EHMT1: variants seen among roughly 807,000 people sequenced by gnomAD.
The protein encoded by EHMT1 is euchromatic histone lysine methyltransferase 1.
Under a neutral mutation model 147.2 loss-of-function variants are expected in EHMT1, and 15 were observed. The ratio of observed to expected loss-of-function variants is 0.10; its 90% CI spans 0.07 to 0.16. The LOEUF is 0.16. EHMT1 is among the 10% of genes least tolerant of loss of function. The pLI is 1.00. For synonymous variants in EHMT1, 795 were observed against 709.6 expected (o/e 1.12, Z -1.91); for missense variants, 1,587 against 1,772.4 (o/e 0.90, Z 1.88).
chr9:137,619,802 G>A (rs984921165), intron 1 of EHMT1, among the ~76,000 whole-genome samples: 1 of 152,104 alleles, frequency 6.6e-6, no homozygotes, highest in Non-Finnish European at 1.5e-5. Flanking sequence ...AGGAAGCAGC[G>A]TAGAGATTAA....
chr9:137,811,732 T>C (rs904535979), intron 19 of EHMT1, 117 bp downstream of exon 19: 2 of 1,378,376 alleles, frequency 1.5e-6, no homozygotes, highest in Admixed American at 3.8e-5. Flanking sequence ...GGCCCTCTGT[T>C]CCTTCGTGTG....
At position 137,776,395 on chromosome 9, in the gene EHMT1, C is replaced by T. The variant is rs1950959576; in HGVS notation, c.1792-223C>T. On this transcript the variant is annotated intron_variant, in intron 11 of 26. Coordinates refer to ENST00000460843, the MANE Select transcript of EHMT1 (RefSeq NM_024757.5). This position sits in a 1 kb window ranked among gnomAD's most constrained non-coding sequence, Gnocchi z 4.4. ...GGTGGGTTGGAGGCAGCCAAGTGAC[C>T]TCTGTCTGGCTTCAGCTTCTTCTCT... is the stretch of plus-strand genomic sequence containing the variant. The T allele has an allele frequency of 2.0e-6, 1 of 498,476 alleles. No homozygotes were observed. The highest frequency in any genetic ancestry group is 2.1e-5 in the South Asian group (1 of 48,726). The allele number at this position is 498,476 out of a possible 1,614,324, so 30.9% of individuals were successfully genotyped here.
chr9:137,802,731 C>T lies in EHMT1; in HGVS notation c.2712+1747C>T, dbSNP rs533658119. 260 of 1,048,082 alleles carry T rather than the reference C, an allele frequency of 2.5e-4. 2 individuals carry two copies. The South Asian group carries it at 5.4e-3, about 22-fold the overall frequency. 64.9% of individuals were successfully genotyped at this position (1,048,082 alleles called of 1,614,324 possible). On this transcript the variant is annotated intron_variant, in intron 18 of 26. Transcript: ENST00000460843. ...GGCACCCGCTGCCTCCCTGCAGGCA[C>T]GCAGGCCTCTCTGGAGTGACTGGTC...
chr9:137,685,355 A>G (rs1273548088), intron 1 of EHMT1: 2 of 152,000 alleles, frequency 1.3e-5, no homozygotes, highest in Admixed American at 1.3e-4. Flanking sequence ...ATTATACAAT[A>G]TTTGTCCTTT....
chr9:137,777,023 G>T, intron 12 of EHMT1, 179 bp downstream of exon 12: 3 of 667,626 alleles, frequency 4.5e-6, no homozygotes, highest in Non-Finnish European at 7.5e-6. Context: ...TTGTGCATAC[G>T]TTGCTCTCTT....
chr9:137,814,775 C>T, intron 22 of EHMT1: 2 of 592,158 alleles, frequency 3.4e-6, no homozygotes, highest in Non-Finnish European at 6.1e-6. Context: ...TGGGCAGCGT[C>T]AGCCTGGCTT....
At chr9:137,767,917 G>T (rs1299222766) in intron 10 of EHMT1, among the ~76,000 whole-genome samples, 1 of 152,134 alleles carries the variant, frequency 6.6e-6, no homozygotes, top group African/African-American at 2.4e-5. Flanking sequence ...TCAGATTTTT[G>T]GATTTGGGGT....
intron 1 of EHMT1, among the ~76,000 whole-genome samples, chr9:137,655,559 T>C (rs1938354376): frequency 6.6e-6 from 1 of 152,220 alleles, no homozygotes; most frequent in Non-Finnish European, 1.5e-5. Context: ...ATGCTAATAG[T>C]GTTTTTTATG....
chr9:137,834,093 G>A (rs942924275), intron 25 of EHMT1: 2 of 572,710 alleles, frequency 3.5e-6, no homozygotes, highest in African/African-American at 1.9e-5. Context: ...TCAAGGGAAC[G>A]GCCCGCACCA....
intron 1 of EHMT1, among the ~76,000 whole-genome samples, chr9:137,648,319 G>A (rs1222734658): frequency 1.3e-5 from 2 of 152,078 alleles, no homozygotes; most frequent in Non-Finnish European, 2.9e-5. Context: ...AACACAGACA[G>A]TGAAATTCAG....
At chr9:137,830,274 G>GC (rs956165081) in intron 25 of EHMT1, among the ~76,000 whole-genome samples, 1 of 152,032 alleles carries the variant, frequency 6.6e-6, no homozygotes, top group Admixed American at 6.5e-5. Context: ...TATGTTCCTT[G>GC]CCCCACACTT....
At chr9:137,730,577 C>T (rs1445562485) in intron 4 of EHMT1, among the ~76,000 whole-genome samples, 2 of 152,190 alleles carry the variant, frequency 1.3e-5, no homozygotes, top group African/African-American at 4.8e-5. Flanking sequence ...AGGCGTGGGC[C>T]ACCGCCCCCA....
intron 1 of EHMT1, among the ~76,000 whole-genome samples, chr9:137,631,272 A>G (rs1023902696): frequency 6.6e-6 from 1 of 151,982 alleles, no homozygotes; most frequent in Non-Finnish European, 1.5e-5. Flanking sequence ...GGCGCCTGTA[A>G]TCCCAGCTAC....
At chr9:137,633,784 T>C (rs372401204) in intron 1 of EHMT1, among the ~76,000 whole-genome samples, 2 of 151,872 alleles carry the variant, frequency 1.3e-5, no homozygotes, top group East Asian at 1.9e-4. Flanking sequence ...TTTTTGCAAA[T>C]ATTTTTTCTC....
intron 10 of EHMT1, among the ~76,000 whole-genome samples, chr9:137,772,702 C>A (rs1950670133): frequency 6.6e-6 from 1 of 152,224 alleles, no homozygotes; most frequent in South Asian, 2.1e-4. Context: ...GTGGTGGGCT[C>A]CTTTCTTGTT....
intron 4 of EHMT1, 121 bp downstream of exon 4, chr9:137,728,650 C>T (rs527358794): frequency 1.2e-5 from 16 of 1,368,536 alleles, no homozygotes; most frequent in African/African-American, 5.7e-5. Flanking sequence ...TGACTGTTGA[C>T]GTCAGCTGGC....
chr9:137,815,727 C>T, intron 22 of EHMT1: 1 of 594,878 alleles, frequency 1.7e-6, no homozygotes, highest in Non-Finnish European at 3.1e-6. Flanking sequence ...GGGGAGCGCT[C>T]CAGGGGGTCT....
chr9:137,743,858 G>A (rs1426478529), intron 5 of EHMT1, 44 bp from the exon 6 acceptor site: 1 of 1,572,022 alleles, frequency 6.4e-7, no homozygotes, highest in Non-Finnish European at 8.6e-7. Context: ...TGTTCATGAT[G>A]CGCACTGATC....
intron 1 of EHMT1, among the ~76,000 whole-genome samples, chr9:137,658,190 A>G (rs889025993): frequency 1.3e-5 from 2 of 151,872 alleles, no homozygotes; most frequent in East Asian, 3.9e-4. Flanking sequence ...TCACTTTGTC[A>G]CCCAGGCTGG....
Sources: gnomAD v4.1 joint callset for allele counts (sites outside exome capture counted in the v4.1 genomes callset) on GRCh38, gnomAD v4.1.1 for gene constraint, Gnocchi (gnomAD v3.1) non-coding constraint, MANE v1.5 for transcripts, NCBI Gene and HGNC (gene_info 2026-07-23, HGNC 2026-07-21) for gene names.